BCAS3: variants seen among roughly 807,000 people sequenced by gnomAD.
BCAS3 encodes the protein BCAS4/BCAS3 fusion.
A neutral mutation model predicts 116.1 loss-of-function variants in BCAS3; 53 were observed. The observed-to-expected ratio is 0.46, with a 90% CI of 0.37 to 0.57. The LOEUF is 0.57. Ranked by LOEUF, BCAS3 falls within the 20% of genes least tolerant of loss-of-function variation. The pLI is 0.00. For missense variants in BCAS3, 917 were observed against 1,165.4 expected, an observed-to-expected ratio of 0.79 and a Z score of 3.10; for synonymous variants, 391 against 408.2, an observed-to-expected ratio of 0.96 and a Z score of 0.51.
At position 61,198,285 on chromosome 17, in the gene BCAS3, C is replaced by T. The variant is rs1240498229; in HGVS notation, c.2425+113721C>T. ...CCTCCCAAGTAGCTGGGACTACAGGCGCCAGCCACCACACCCAGCTAATTT... is the reference window on the plus strand; with the variant it reads ...CCTCCCAAGTAGCTGGGACTACAGGTGCCAGCCACCACACCCAGCTAATTT... On this transcript the variant is annotated intron_variant, in intron 22 of 23. Transcript: ENST00000407086. The surrounding 1 kb of genome is among the most constrained non-coding windows in gnomAD (Gnocchi z 5.0). Among the ~76,000 whole-genome samples, 6 of 151,914 alleles carry T rather than the reference C, an allele frequency of 3.9e-5. No homozygotes were observed. Among genetic ancestry groups the T allele is most frequent in the African/African-American group, 1.2e-4 (5 of 41,344 alleles).
In BCAS3 at chr17:60,724,939, A is replaced by T. The variant is rs534361150; in HGVS notation, c.321+15614A>T. Among the ~76,000 whole-genome samples the T allele has an allele frequency of 1.8e-4, 27 of 152,044 alleles. 1 individual carries two copies. In the South Asian group the frequency reaches 5.6e-3, roughly 32 times the overall value. On this transcript the variant is annotated intron_variant, in intron 5 of 23. Transcript: ENST00000407086. Reference sequence around the variant, plus strand: ...CCATTATAGCTCACTGCAGCCTCCAAGTCCTGGGCTCAGGTGATCTTCCTG... The same window carrying T: ...CCATTATAGCTCACTGCAGCCTCCATGTCCTGGGCTCAGGTGATCTTCCTG...
At chr17:61,369,966 G>C (rs1274699113) in intron 23 of BCAS3, among the ~76,000 whole-genome samples, 2 of 152,206 alleles carry the variant, frequency 1.3e-5, no homozygotes, top group East Asian at 3.9e-4. Flanking sequence ...CCTCTTCCGA[G>C]GCCTGGAGGA....
intron 19 of BCAS3, among the ~76,000 whole-genome samples, chr17:61,064,172 T>C (rs2070367660): frequency 6.6e-6 from 1 of 152,214 alleles, no homozygotes; most frequent in Admixed American, 6.5e-5. Flanking sequence ...GGTATACACC[T>C]GTAGTTCCAG....
chr17:61,046,084 A>T (rs1252956055), intron 19 of BCAS3, among the ~76,000 whole-genome samples: 1 of 36,522 alleles, frequency 2.7e-5, no homozygotes, highest in South Asian at 6.6e-4. Flanking sequence ...ATATATATTT[A>T]TATATATATA....
intron 22 of BCAS3, among the ~76,000 whole-genome samples, chr17:61,123,110 T>G (rs1056670918): frequency 5.3e-5 from 8 of 152,014 alleles, no homozygotes; most frequent in Admixed American, 5.2e-4. Context: ...TCCAACTGAT[T>G]TTTTGTACTT....
In BCAS3 at chr17:61,083,653, T is replaced by TGGCACTCCCATCTAG. The variant is rs2072836749; in HGVS notation, c.2328-809_2328-808insTCCCATCTAGGGCAC. Among the ~76,000 whole-genome samples the TGGCACTCCCATCTAG allele has an allele frequency of 2.0e-5, 3 of 151,378 alleles. No homozygotes were observed. Among genetic ancestry groups the TGGCACTCCCATCTAG allele is most frequent in the Admixed American group, 2.0e-4 (3 of 15,164 alleles). ...CTCTGTCACCCAGGCTGGAGTGCAG[T>TGGCACTCCCATCTAG]GGCACGATCTTGGCTCATTGCAACC... is the stretch of plus-strand genomic sequence containing the variant. On this transcript the variant is annotated intron_variant, in intron 21 of 23. Transcript: ENST00000407086. This position sits in a 1 kb window ranked among gnomAD's most constrained non-coding sequence, Gnocchi z 4.9.
At chr17:61,238,435 C>A (rs1447684913) in intron 22 of BCAS3, among the ~76,000 whole-genome samples, 6 of 151,912 alleles carry the variant, frequency 3.9e-5, no homozygotes, top group African/African-American at 1.5e-4. Context: ...GTTGGCCAGG[C>A]TGGTCTCGAA....
At chr17:60,922,864 G>A (rs1029850995) in intron 12 of BCAS3, among the ~76,000 whole-genome samples, 6 of 152,026 alleles carry the variant, frequency 3.9e-5, no homozygotes, top group Admixed American at 3.9e-4. Flanking sequence ...AGAAGCTTAG[G>A]GACATTAGCA....
intron 2 of BCAS3, 115 bp downstream of exon 2, chr17:60,679,655 T>C: frequency 1.2e-6 from 1 of 800,124 alleles, no homozygotes; most frequent in Non-Finnish European, 2.1e-6. Flanking sequence ...AACTGTTGGC[T>C]TTATGGGATG....
In BCAS3 at chr17:60,926,542, T is replaced by G. The variant is rs1370195406; in HGVS notation, c.1087+2042T>G. ...GTGATTGGTAATCAGTAGGATTGAT[T>G]TAATTAATAAAGGCAAGATTTATTG... On this transcript the variant is annotated intron_variant, in intron 13 of 23. Transcript: ENST00000407086. Among the ~76,000 whole-genome samples the G allele has an allele frequency of 2.6e-5, 4 of 152,340 alleles. 1 individual carries two copies. Among genetic ancestry groups the G allele is most frequent in the South Asian group, 4.1e-4 (2 of 4,830 alleles).
Position 61,378,022 on chromosome 17 carries a change from A to C in BCAS3, c.2593+9528A>C, listed in dbSNP as rs2059415289. 6.7e-6 allele frequency: 1 copy of C among 149,990 alleles called. No individual in the cohort carries two copies. Among genetic ancestry groups the C allele is most frequent in the Admixed American group, 6.6e-5 (1 of 15,206 alleles). The allele number at this position is 149,990 out of a possible 1,614,324, so 9.3% of individuals were successfully genotyped here. A position where few individuals can be genotyped will look rare whatever the true frequency, so the allele number is the denominator to read the frequency against. ...CCAGCAGAGGAAGGGGACTGTCACT[A>C]GCAGGGCCTGCCTTGACTGCCGTTG... On this transcript the variant is annotated intron_variant, in intron 23 of 23. Transcript: ENST00000407086. This position sits in a 1 kb window ranked among gnomAD's most constrained non-coding sequence, Gnocchi z 5.8.
chr17:60,849,281 CTT>C (rs201004782), intron 7 of BCAS3, among the ~76,000 whole-genome samples: 25 of 139,748 alleles, frequency 1.8e-4, no homozygotes, highest in South Asian at 2.3e-4. Context: ...GTGTTCAGTT[CTT>C]TTTTTTTTTT....
Position 61,354,421 on chromosome 17 carries a change from C to T in BCAS3, c.2426-13906C>T, listed in dbSNP as rs1187560510. On this transcript the variant is annotated intron_variant, in intron 22 of 23. Coordinates refer to ENST00000407086, the MANE Select transcript of BCAS3 (RefSeq NM_017679.5). The surrounding 1 kb of genome is among the most constrained non-coding windows in gnomAD (Gnocchi z 4.5). ...CAGGCCTTCACACTCACGCTCAGCC[C>T]ATCACCCCTCTGTGCAAGGTGCAAG... 1 of 152,210 alleles carries T rather than the reference C, an allele frequency of 6.6e-6. No individual in the cohort carries two copies. The highest frequency in any genetic ancestry group is 1.9e-4 in the East Asian group (1 of 5,200). 9.4% of individuals were successfully genotyped at this position (152,210 alleles called of 1,614,324 possible). A position where few individuals can be genotyped will look rare whatever the true frequency, so the allele number is the denominator to read the frequency against.
intron 22 of BCAS3, among the ~76,000 whole-genome samples, chr17:61,109,888 G>C (rs1197458776): frequency 6.6e-6 from 1 of 152,230 alleles, no homozygotes; most frequent in Non-Finnish European, 1.5e-5. Flanking sequence ...CACTCTGTGG[G>C]TTGTATGTTA....
At chr17:61,375,218 T>TTGTGTGTGTGTGTGTGTG (rs59961930) in intron 23 of BCAS3, among the ~76,000 whole-genome samples, 3 of 142,680 alleles carry the variant, frequency 2.1e-5, no homozygotes, top group Non-Finnish European at 4.5e-5. Context: ...AAAGCACTAT[T>TTGTGTGTGTGTGTGTGTG]TGTGTGTGTG....
At chr17:61,187,177 A>T (rs1252283371) in intron 22 of BCAS3, among the ~76,000 whole-genome samples, 1 of 152,212 alleles carries the variant, frequency 6.6e-6, no homozygotes, top group Non-Finnish European at 1.5e-5. Context: ...AACATAAACC[A>T]AGACTGTAAG....
intron 14 of BCAS3, among the ~76,000 whole-genome samples, chr17:60,983,917 T>G (rs2062969109): frequency 6.6e-6 from 1 of 152,232 alleles, no homozygotes; most frequent in South Asian, 2.1e-4. Flanking sequence ...TCGTCCTGCT[T>G]TTCCCTTCCT....
intron 7 of BCAS3, 91 bp downstream of exon 7, chr17:60,808,167 C>T (rs1192757605): frequency 1.2e-6 from 1 of 862,990 alleles, no homozygotes; most frequent in South Asian, 1.6e-5. Context: ...CCTTTGTAAC[C>T]ATAAGACTAA....
chr17:61,078,678 A>C (rs1344112366), intron 21 of BCAS3, 149 bp downstream of exon 21: 3 of 662,574 alleles, frequency 4.5e-6, no homozygotes, highest in African/African-American at 1.8e-5. Context: ...CCCTGTCATT[A>C]CTTGAGATGG....
Sources: allele counts gnomAD v4.1 joint callset (sites outside exome capture counted in the v4.1 genomes callset), GRCh38; gene constraint gnomAD v4.1.1; non-coding constraint Gnocchi (gnomAD v3.1); transcripts MANE v1.5; gene names NCBI Gene and HGNC (gene_info 2026-07-23, HGNC 2026-07-21).